Variants in SPOCK3 observed in about 807,000 individuals in gnomAD.
SPOCK3 encodes the protein testican-3.
In SPOCK3, 30 loss-of-function variants were observed where a neutral mutation model predicts 56.6. That is an observed-to-expected ratio of 0.53 (90% CI 0.40 to 0.72). SPOCK3 has a LOEUF of 0.72. SPOCK3 is among the 30% of genes least tolerant of loss of function. The pLI is 0.00. For missense variants in SPOCK3, 527 were observed against 530.0 expected, an observed-to-expected ratio of 0.99 and a Z score of 0.06; for synonymous variants, 196 against 183.3, an observed-to-expected ratio of 1.07 and a Z score of -0.56.
At chr4:167,135,455 T>C (rs1241805641) in intron 2 of SPOCK3, among the ~76,000 whole-genome samples, 1 of 152,166 alleles carries the variant, frequency 6.6e-6, no homozygotes, top group Admixed American at 6.6e-5. Context: ...ACAATAATTT[T>C]AATTAGATTC....
intron 2 of SPOCK3, among the ~76,000 whole-genome samples, chr4:167,148,638 G>A (rs1180033593): frequency 6.6e-6 from 1 of 152,042 alleles, no homozygotes; most frequent in Non-Finnish European, 1.5e-5. Context: ...ATATAACCGT[G>A]TATAGTCTTC....
chr4:166,852,354 G>A (rs1039019743), intron 6 of SPOCK3, among the ~76,000 whole-genome samples: 6 of 151,916 alleles, frequency 3.9e-5, no homozygotes, highest in African/African-American at 1.2e-4. Context: ...CTGGCAAAGG[G>A]GATTCCAGAG....
Position 167,205,343 on chromosome 4 carries a change from A to ATATATATTT in SPOCK3, c.189+28641_189+28642insAAATATATA, listed in dbSNP as rs1561321472. ...ATATATATAATATATATTATATATT[A>ATATATATTT]TATATATAATATATATATTATATAT... On this transcript the variant is annotated intron_variant, in intron 2 of 10. Transcript: ENST00000357545. Among the ~76,000 whole-genome samples the ATATATATTT allele has an allele frequency of 8.4e-3, 272 of 32,402 alleles. 1 individual carries two copies. Among genetic ancestry groups the ATATATATTT allele is most frequent in the Non-Finnish European group, 0.012 (242 of 20,822 alleles). The allele number at this position is 32,402 out of a possible 152,430, so 21.3% of individuals were successfully genotyped here.
intron 4 of SPOCK3, among the ~76,000 whole-genome samples, chr4:166,970,805 C>A (rs1226120771): frequency 6.6e-6 from 1 of 151,920 alleles, no homozygotes. Context: ...ATTACAAAAC[C>A]CCAACCCCAT....
chr4:166,954,219 T>C (rs1743107324), intron 4 of SPOCK3, among the ~76,000 whole-genome samples: 1 of 152,318 alleles, frequency 6.6e-6, no homozygotes, highest in Non-Finnish European at 1.5e-5. Flanking sequence ...TTATCAGTTA[T>C]ATAGTTTGCA....
chr4:166,807,961 ATCTT>A (rs150948613), intron 6 of SPOCK3, among the ~76,000 whole-genome samples: 4,753 of 152,136 alleles, frequency 0.031, 102 homozygotes, highest in Non-Finnish European at 0.051. Context: ...GGACCATTTT[ATCTT>A]TCTATGTTCT....
chr4:166,772,804 G>A (rs912866757), intron 7 of SPOCK3, among the ~76,000 whole-genome samples: 7 of 151,884 alleles, frequency 4.6e-5, no homozygotes, highest in African/African-American at 1.7e-4. Flanking sequence ...TTGTTTGTTT[G>A]CTTTTGAGAC....
At chr4:166,749,951 A>T (rs1186444257) in intron 8 of SPOCK3, among the ~76,000 whole-genome samples, 1 of 152,160 alleles carries the variant, frequency 6.6e-6, no homozygotes, top group African/African-American at 2.4e-5. Context: ...ATTGTAAAGC[A>T]GAAATAGGAT....
intron 7 of SPOCK3, among the ~76,000 whole-genome samples, chr4:166,774,624 G>A (rs1411064496): frequency 6.6e-6 from 1 of 152,162 alleles, no homozygotes; most frequent in African/African-American, 2.4e-5. Flanking sequence ...CAAAGCAGCA[G>A]CAACTTTCCT....
At chr4:166,930,758 A>G (rs1054597303) in intron 4 of SPOCK3, among the ~76,000 whole-genome samples, 2 of 152,224 alleles carry the variant, frequency 1.3e-5, no homozygotes, top group Non-Finnish European at 2.9e-5. Context: ...ACGTATGTCC[A>G]TGAGATCAAT....
chr4:166,977,023 C>T (rs926038654), intron 4 of SPOCK3, among the ~76,000 whole-genome samples: 6 of 151,834 alleles, frequency 4.0e-5, no homozygotes, highest in Admixed American at 2.0e-4. Context: ...AAAGGCAGAG[C>T]AAAAATTTAA....
rs114368535 is a variant in SPOCK3 at position 167,002,670 on chromosome 4, A to C, written c.236-2207T>G. 7.8e-3 allele frequency among the ~76,000 whole-genome samples: 1,192 copies of C among 152,284 alleles called. 13 individuals are homozygous for C. Among genetic ancestry groups the C allele is most frequent in the African/African-American group, 0.027 (1,122 of 41,578 alleles). On this transcript the variant is annotated intron_variant, in intron 3 of 10. Coordinates refer to ENST00000357545, the MANE Select transcript of SPOCK3 (RefSeq NM_001040159.2). ...CTATGCAAATGTAAATTGCTACAAC[A>C]TTCTTTTCAGACTATCACAGTTTGA...
chr4:167,031,415 C>A (rs1752261766), intron 3 of SPOCK3, among the ~76,000 whole-genome samples: 1 of 151,844 alleles, frequency 6.6e-6, no homozygotes, highest in Non-Finnish European at 1.5e-5. Context: ...ATACTTTATT[C>A]CCTAACAACA....
At chr4:167,211,175 G>A (rs1263692866) in intron 2 of SPOCK3, among the ~76,000 whole-genome samples, 1 of 152,096 alleles carries the variant, frequency 6.6e-6, no homozygotes, top group South Asian at 2.1e-4. Flanking sequence ...TCGGACTTGC[G>A]TGCGGCCTGT....
At chr4:166,991,518 C>T (rs186064329) in intron 4 of SPOCK3, among the ~76,000 whole-genome samples, 120 of 151,726 alleles carry the variant, frequency 7.9e-4, no homozygotes, top group Non-Finnish European at 1.3e-3. Context: ...TACAGGCATG[C>T]GCCACAACAC....
At chr4:166,764,016 G>A (rs1293363409) in intron 7 of SPOCK3, among the ~76,000 whole-genome samples, 1 of 152,022 alleles carries the variant, frequency 6.6e-6, no homozygotes, top group African/African-American at 2.4e-5. Flanking sequence ...GTTATTTGAA[G>A]TTATAGTATT....
intron 8 of SPOCK3, among the ~76,000 whole-genome samples, chr4:166,753,204 T>C (rs1427048962): frequency 6.6e-6 from 1 of 151,900 alleles, no homozygotes; most frequent in Non-Finnish European, 1.5e-5. Flanking sequence ...AAAATAAAAA[T>C]AAAAAATTAA....
intron 3 of SPOCK3, among the ~76,000 whole-genome samples, chr4:167,011,627 G>T (rs575877026): frequency 3.3e-4 from 50 of 152,152 alleles, no homozygotes; most frequent in Non-Finnish European, 5.9e-4. Context: ...CTTTCCTCAA[G>T]AATTTGAGTA....
chr4:166,876,232 G>A (rs543103679), intron 6 of SPOCK3, among the ~76,000 whole-genome samples: 4 of 152,268 alleles, frequency 2.6e-5, no homozygotes, highest in Admixed American at 6.5e-5. Context: ...GTTTGCTTGG[G>A]AAGGTAGTTC....
Sources: allele counts gnomAD v4.1 joint callset (sites outside exome capture counted in the v4.1 genomes callset), GRCh38; gene constraint gnomAD v4.1.1; transcripts MANE v1.5; gene names NCBI Gene and HGNC (gene_info 2026-07-23, HGNC 2026-07-21).